The following TTC28 variants were observed in gnomAD, a reference collection of about 807,000 sequenced individuals.
The protein encoded by TTC28 is tetratricopeptide repeat domain 28, also known as tetratricopeptide repeat protein 28.
TTC28 carries 61 observed loss-of-function variants against 198.0 expected under a neutral mutation model. The observed-to-expected ratio is 0.31, with a 90% CI of 0.25 to 0.38. TTC28 has a LOEUF of 0.38. Ranked by LOEUF, TTC28 falls within the 10% of genes least tolerant of loss-of-function variation. The probability of loss-of-function intolerance (pLI) is 1.00; values close to 1 mark genes in which losing one functional copy is unlikely to be tolerated. For synonymous variants in TTC28, 1,171 were observed against 1,297.8 expected, an observed-to-expected ratio of 0.90 and a Z score of 2.10; for missense variants, 2,678 against 3,164.0, an observed-to-expected ratio of 0.85 and a Z score of 3.69.
intron 2 of TTC28, among the ~76,000 whole-genome samples, chr22:28,597,432 G>A (rs73430176): frequency 2.6e-5 from 4 of 152,054 alleles, no homozygotes; most frequent in African/African-American, 9.7e-5. Flanking sequence ...CAACACCCAG[G>A]CCCCTTCAAA....
chr22:28,322,114 G>A (rs916698126), intron 2 of TTC28, among the ~76,000 whole-genome samples: 3 of 152,152 alleles, frequency 2.0e-5, no homozygotes, highest in Non-Finnish European at 4.4e-5. Flanking sequence ...ACAGGCATGA[G>A]CCACCGTGCC....
intron 2 of TTC28, among the ~76,000 whole-genome samples, chr22:28,381,515 G>A (rs1467178078): frequency 6.6e-6 from 1 of 152,048 alleles, no homozygotes; most frequent in East Asian, 1.9e-4. Flanking sequence ...TAGTAACCTG[G>A]CATTTTTACT....
chr22:28,373,331 C>G (rs866942979), intron 2 of TTC28, among the ~76,000 whole-genome samples: 1 of 151,314 alleles, frequency 6.6e-6, no homozygotes. Flanking sequence ...ATATGGTACA[C>G]AAAAGTTTAA....
At chr22:28,501,869 C>G (rs984446431) in intron 2 of TTC28, among the ~76,000 whole-genome samples, 6 of 151,956 alleles carry the variant, frequency 3.9e-5, no homozygotes, top group Admixed American at 6.6e-5. Flanking sequence ...AAAATCATGA[C>G]CTGCCTATTT....
intron 12 of TTC28, among the ~76,000 whole-genome samples, chr22:28,080,986 AT>A (rs1256775200): frequency 2.6e-5 from 4 of 152,100 alleles, no homozygotes; most frequent in Non-Finnish European, 5.9e-5. Context: ...GTCGAAGATC[AT>A]TTGACATACA....
At chr22:28,196,578 C>A (rs1473773320) in intron 5 of TTC28, among the ~76,000 whole-genome samples, 29 of 151,768 alleles carry the variant, frequency 1.9e-4, no homozygotes, top group Admixed American at 4.6e-4. Context: ...CAATGAACTC[C>A]AACAAATTTA....
At chr22:28,032,187 T>TAAAATATATATATAA (rs1939126367) in intron 12 of TTC28, among the ~76,000 whole-genome samples, 1 of 72,888 alleles carries the variant, frequency 1.4e-5, no homozygotes, top group Non-Finnish European at 2.4e-5. Context: ...TATATATATA[T>TAAAATATATATATAA]AAAATATATA....
chr22:28,434,790 G>A (rs1415967096), intron 2 of TTC28, among the ~76,000 whole-genome samples: 1 of 152,132 alleles, frequency 6.6e-6, no homozygotes, highest in African/African-American at 2.4e-5. Context: ...TTGGAAGAGT[G>A]TGTGTCCAAA....
At chr22:28,100,566 A>AC (rs1942112001) in intron 9 of TTC28, among the ~76,000 whole-genome samples, 1 of 152,174 alleles carries the variant, frequency 6.6e-6, no homozygotes. Flanking sequence ...TCTTGTGAGC[A>AC]CCTCTGGATA....
At chr22:28,576,821 T>G (rs1457780139) in intron 2 of TTC28, among the ~76,000 whole-genome samples, 1 of 152,110 alleles carries the variant, frequency 6.6e-6, no homozygotes, top group African/African-American at 2.4e-5. Context: ...CAGTATCAGA[T>G]GTAATGTCTC....
chr22:28,472,546 ATGTGTATGTGTGTGTGTGTGTG>A (rs756296917), intron 2 of TTC28, among the ~76,000 whole-genome samples: 25 of 88,926 alleles, frequency 2.8e-4, no homozygotes, highest in Non-Finnish European at 5.9e-4. Flanking sequence ...CAAAAAGAAA[ATGTGTATGTGTGTGTGTGTGTG>A]TGTGTGTGTG....
At chr22:28,066,136 C>A (rs1940736395) in intron 12 of TTC28, among the ~76,000 whole-genome samples, 1 of 151,712 alleles carries the variant, frequency 6.6e-6, no homozygotes, top group African/African-American at 2.4e-5. Context: ...TTTTTTCCAG[C>A]CTTACTGAGG....
intron 2 of TTC28, among the ~76,000 whole-genome samples, chr22:28,371,689 T>TCTCTGC (rs1324939711): frequency 2.3e-5 from 3 of 131,638 alleles, no homozygotes; most frequent in Non-Finnish European, 3.1e-5. Context: ...TTCAAGCGAT[T>TCTCTGC]CTCTGCCTCA....
chr22:28,590,276 C>T (rs1425002026), intron 2 of TTC28, among the ~76,000 whole-genome samples: 2 of 151,518 alleles, frequency 1.3e-5, no homozygotes, highest in African/African-American at 2.4e-5. Flanking sequence ...TACAGGCGCC[C>T]ACCACCACAC....
At chr22:28,449,718 G>C (rs2047752522) in intron 2 of TTC28, among the ~76,000 whole-genome samples, 1 of 152,172 alleles carries the variant, frequency 6.6e-6, no homozygotes, top group Non-Finnish European at 1.5e-5. Flanking sequence ...TGCAAGTATT[G>C]TGGAGGATGG....
intron 5 of TTC28, among the ~76,000 whole-genome samples, chr22:28,193,664 C>T (rs1925103170): frequency 6.6e-6 from 1 of 152,052 alleles, no homozygotes; most frequent in African/African-American, 2.4e-5. Context: ...AGACTTTAAA[C>T]CAACAAAGAT....
intron 1 of TTC28, among the ~76,000 whole-genome samples, chr22:28,647,995 C>T (rs920859397): frequency 4.7e-5 from 7 of 149,546 alleles, no homozygotes; most frequent in East Asian, 2.0e-4. Flanking sequence ...GAGGCCGAGG[C>T]GGGCGGATCA....
intron 5 of TTC28, among the ~76,000 whole-genome samples, chr22:28,285,064 A>G (rs1053499933): frequency 3.9e-5 from 6 of 152,250 alleles, no homozygotes; most frequent in African/African-American, 1.2e-4. Flanking sequence ...CATTATTCAC[A>G]ATAGCCAAGA....
At chr22:28,539,788 G>C (rs990442413) in intron 2 of TTC28, among the ~76,000 whole-genome samples, 1 of 152,130 alleles carries the variant, frequency 6.6e-6, no homozygotes, top group African/African-American at 2.4e-5. Flanking sequence ...ATCAGGACAA[G>C]AGGGCTGTGT....
Sources: allele counts gnomAD v4.1 joint callset (sites outside exome capture counted in the v4.1 genomes callset), GRCh38; gene constraint gnomAD v4.1.1; transcripts MANE v1.5; gene names NCBI Gene and HGNC (gene_info 2026-07-23, HGNC 2026-07-21).